SYNPR: variants seen among roughly 807,000 people sequenced by gnomAD.
SYNPR encodes synaptoporin.
In SYNPR, 23 loss-of-function variants were observed where a neutral mutation model predicts 32.9. The observed-to-expected ratio is 0.70, with a 90% CI of 0.50 to 0.99. The LOEUF is 0.99. Ranked by LOEUF, SYNPR falls within the 50% of genes least tolerant of loss-of-function variation. SYNPR has a pLI of 0.00. For synonymous variants in SYNPR, 146 were observed against 135.9 expected (o/e 1.07, Z -0.52); for missense variants, 318 against 349.3 (o/e 0.91, Z 0.71).
At chr3:63,233,690 C>T (rs191605056) in intron 1 of SYNPR, among the ~76,000 whole-genome samples, 16 of 147,774 alleles carry the variant, frequency 1.1e-4, no homozygotes, top group South Asian at 2.1e-4. Flanking sequence ...AATAATACTA[C>T]GTAAACTTGA....
chr3:63,563,904 A>G (rs1207454908), intron 4 of SYNPR, among the ~76,000 whole-genome samples: 1 of 151,918 alleles, frequency 6.6e-6, no homozygotes, highest in Non-Finnish European at 1.5e-5. Flanking sequence ...ATAAAAAATA[A>G]AAATAAAAAC....
At chr3:63,522,357 T>G (rs1197204546) in intron 3 of SYNPR, among the ~76,000 whole-genome samples, 1 of 152,240 alleles carries the variant, frequency 6.6e-6, no homozygotes, top group African/African-American at 2.4e-5. Flanking sequence ...CTATTACCAC[T>G]ATTATTGCTA....
rs535620994 is a variant in SYNPR at position 63,300,966 on chromosome 3, A to G, written c.84+22224A>G. Among the ~76,000 whole-genome samples the G allele has an allele frequency of 3.3e-5, 5 of 152,248 alleles. No homozygotes were observed. The South Asian group carries it at 1.0e-3, about 32-fold the overall frequency. On this transcript the variant is annotated intron_variant, in intron 2 of 5. Transcript: ENST00000478300. ...AAAAATTAACCCTATTTTCTAAAAAAAACCATATTGGCAAAGGAAGACGTA... is the reference window on the plus strand; with the variant it reads ...AAAAATTAACCCTATTTTCTAAAAAGAACCATATTGGCAAAGGAAGACGTA...
intron 3 of SYNPR, among the ~76,000 whole-genome samples, chr3:63,552,047 G>A (rs1404041113): frequency 2.0e-5 from 3 of 151,766 alleles, no homozygotes; most frequent in Non-Finnish European, 4.4e-5. Flanking sequence ...ACAGGTGCCC[G>A]CCACCATGTC....
chr3:63,516,777 T>G (rs1394038444), intron 3 of SYNPR, among the ~76,000 whole-genome samples: 2 of 152,148 alleles, frequency 1.3e-5, no homozygotes, highest in Non-Finnish European at 2.9e-5. Context: ...TTTAGTTTTT[T>G]CTTCTTGTTA....
At chr3:63,428,147 C>T (rs958982567) in intron 2 of SYNPR, among the ~76,000 whole-genome samples, 6 of 152,136 alleles carry the variant, frequency 3.9e-5, no homozygotes, top group African/African-American at 1.4e-4. Flanking sequence ...ACACTGTGTT[C>T]AGACACTAGA....
intron 2 of SYNPR, among the ~76,000 whole-genome samples, chr3:63,399,712 T>C: frequency 6.6e-6 from 1 of 152,142 alleles, no homozygotes; most frequent in East Asian, 1.9e-4. Flanking sequence ...GACTAGGTTA[T>C]TGTGCCAAGT....
intron 3 of SYNPR, among the ~76,000 whole-genome samples, chr3:63,522,252 C>T (rs1054213973): frequency 6.6e-6 from 1 of 152,168 alleles, no homozygotes; most frequent in Non-Finnish European, 1.5e-5. Flanking sequence ...CTCTATCGTT[C>T]CAGTTTTATT....
At chr3:63,490,230 G>T (rs1701234016) in intron 3 of SYNPR, among the ~76,000 whole-genome samples, 1 of 152,094 alleles carries the variant, frequency 6.6e-6, no homozygotes, top group African/African-American at 2.4e-5. Context: ...GAGAGTCTGA[G>T]AACCAGCAAA....
chr3:63,519,794 T>C (rs1701871348), intron 3 of SYNPR, among the ~76,000 whole-genome samples: 1 of 152,234 alleles, frequency 6.6e-6, no homozygotes, highest in Non-Finnish European at 1.5e-5. Flanking sequence ...CCCGAAAAAG[T>C]ATGCTCTTTA....
intron 2 of SYNPR, among the ~76,000 whole-genome samples, chr3:63,306,159 G>T (rs1334632907): frequency 6.6e-6 from 1 of 151,892 alleles, no homozygotes; most frequent in East Asian, 1.9e-4. Flanking sequence ...TTCATCTTTT[G>T]TAAGTCCCAG....
chr3:63,577,478 G>A (rs1311715473), intron 4 of SYNPR, among the ~76,000 whole-genome samples: 1 of 152,048 alleles, frequency 6.6e-6, no homozygotes, highest in African/African-American at 2.4e-5. Context: ...TGTTTTTTTG[G>A]AAGGGAGGGA....
intron 2 of SYNPR, among the ~76,000 whole-genome samples, chr3:63,340,134 C>A (rs2087346074): frequency 6.6e-6 from 1 of 152,114 alleles, no homozygotes; most frequent in Non-Finnish European, 1.5e-5. Flanking sequence ...TCCTTCAGAT[C>A]TATCCAAGTT....
intron 2 of SYNPR, among the ~76,000 whole-genome samples, chr3:63,382,718 G>T (rs1221258870): frequency 2.6e-5 from 4 of 152,160 alleles, no homozygotes; most frequent in Non-Finnish European, 5.9e-5. Context: ...GTCGTCTTAT[G>T]TGTGTTTTAT....
At chr3:63,596,403 C>T (rs935819143) in intron 4 of SYNPR, among the ~76,000 whole-genome samples, 3 of 150,194 alleles carry the variant, frequency 2.0e-5, no homozygotes, top group African/African-American at 4.9e-5. Flanking sequence ...TTCTGCTCCT[C>T]CCCTCTCTCA....
At chr3:63,306,087 C>T (rs1002641537) in intron 2 of SYNPR, among the ~76,000 whole-genome samples, 2 of 152,122 alleles carry the variant, frequency 1.3e-5, no homozygotes, top group African/African-American at 2.4e-5. Flanking sequence ...ACCCGAGAGC[C>T]TTTGGATTCT....
chr3:63,283,580 C>G (rs927666413), intron 2 of SYNPR, among the ~76,000 whole-genome samples: 3 of 150,100 alleles, frequency 2.0e-5, no homozygotes, highest in Non-Finnish European at 2.9e-5. Context: ...TCAGACCACT[C>G]TGGAAAACTA....
intron 2 of SYNPR, among the ~76,000 whole-genome samples, chr3:63,319,564 C>T (rs1317878309): frequency 2.0e-5 from 3 of 151,868 alleles, no homozygotes; most frequent in African/African-American, 4.8e-5. Context: ...ATAAACTTAA[C>T]TCACAAAGTT....
intron 3 of SYNPR, among the ~76,000 whole-genome samples, chr3:63,502,312 C>T (rs34191982): frequency 0.22 from 34,122 of 151,702 alleles, 4,110 homozygotes; most frequent in East Asian, 0.31. Context: ...CCCTTCCCCG[C>T]CACATGCATA....
Sources: allele counts gnomAD v4.1 joint callset (sites outside exome capture counted in the v4.1 genomes callset), GRCh38; gene constraint gnomAD v4.1.1; transcripts MANE v1.5; gene names NCBI Gene and HGNC (gene_info 2026-07-23, HGNC 2026-07-21).